The following NBEAL1 variants were observed in gnomAD, a reference collection of about 807,000 sequenced individuals.
NBEAL1 encodes neurobeachin like 1.
In NBEAL1, 273 loss-of-function variants were observed where a neutral mutation model predicts 351.3. The ratio of observed to expected loss-of-function variants is 0.78; its 90% CI spans 0.70 to 0.86. NBEAL1 has a LOEUF of 0.86. NBEAL1 is among the 40% of genes least tolerant of loss of function. NBEAL1 has a pLI of 0.00. For missense variants in NBEAL1, 2,961 were observed against 3,201.3 expected, an observed-to-expected ratio of 0.92 and a Z score of 1.81; for synonymous variants, 1,050 against 1,086.4, an observed-to-expected ratio of 0.97 and a Z score of 0.66.
intron 2 of NBEAL1, among the ~76,000 whole-genome samples, chr2:203,031,735 G>C (rs2060952059): frequency 6.6e-6 from 1 of 152,104 alleles, no homozygotes. Context: ...AACGATAAAA[G>C]TACATTTTAG....
intron 45 of NBEAL1, 33 bp from the exon 46 acceptor site, chr2:203,190,259 A>C: frequency 6.7e-7 from 1 of 1,488,902 alleles, no homozygotes; most frequent in Non-Finnish European, 9.2e-7. Flanking sequence ...ATTTGTTTTC[A>C]CTCTATAGTA....
rs1169234195 is a variant in NBEAL1 at position 203,201,582 on chromosome 2, A to G, written c.7278A>G (p.Leu2426=). ...RSINGSFAPG[L]EITSKLFVVS... ...TAAATGGTTCTTTTGCTCCCGGGCT[A>G]GAGATCACTTCTAAGCTATTTGTAG... The change falls in exon 50 of 56, where the codon CTA becomes CTG. Residue 2426 remains leucine, a synonymous_variant. Transcript: ENST00000683969. 2.5e-6 allele frequency: 4 copies of G among 1,604,626 alleles called. No homozygotes were observed. The highest frequency in any genetic ancestry group is 3.4e-6 in the Non-Finnish European group (4 of 1,175,218).
In NBEAL1 at chr2:203,211,077, A is replaced by G. The variant is rs764140345; in HGVS notation, c.7905A>G (p.Gln2635=). Residue 2635 remains glutamine, a synonymous_variant, in exon 54 of 56, where the codon CAA becomes CAG. Coordinates refer to ENST00000683969, the MANE Select transcript of NBEAL1 (RefSeq NM_001378026.1). ...AACACATTGTCACAGGCAGCATACA[A>G]GGATTCCTGTCTATAAGAGATCTCC... is the stretch of plus-strand genomic sequence containing the variant. ...IGEHIVTGSI[Q]GFLSIRDLHS... 1.5e-5 allele frequency: 24 copies of G among 1,604,652 alleles called. No homozygotes were observed. The highest frequency in any genetic ancestry group is 2.0e-5 in the Non-Finnish European group (24 of 1,175,538).
Position 203,068,295 on chromosome 2 carries a change from CA to C in NBEAL1, c.516-94del, listed in dbSNP as rs1247895026. Reference sequence around the variant, plus strand: ...GAGATACATAGTTCAAGACACAAATCAAAAGTAATATTAAATTTGTTTTATA... The same window carrying C: ...GAGATACATAGTTCAAGACACAAATCAAAGTAATATTAAATTTGTTTTATA... On this transcript the variant is annotated intron_variant, in intron 6 of 55. Coordinates refer to ENST00000683969, the MANE Select transcript of NBEAL1 (RefSeq NM_001378026.1). The C allele has an allele frequency of 2.4e-5, 14 of 575,014 alleles. No homozygotes were observed. In the Admixed American group the frequency reaches 4.3e-4, roughly 18 times the overall value. 35.6% of individuals were successfully genotyped at this position (575,014 alleles called of 1,614,324 possible).
intron 51 of NBEAL1, among the ~76,000 whole-genome samples, chr2:203,206,530 C>T (rs1283011147): frequency 1.3e-5 from 2 of 152,124 alleles, no homozygotes; most frequent in Non-Finnish European, 2.9e-5. Context: ...ATTCTCCTGC[C>T]TCAGCCTGCC....
At chr2:203,064,209 A>T (rs936223046) in intron 6 of NBEAL1, among the ~76,000 whole-genome samples, 2 of 151,974 alleles carry the variant, frequency 1.3e-5, no homozygotes, top group Non-Finnish European at 2.9e-5. Flanking sequence ...GTGCACCACC[A>T]TGCCCAGCAA....
In NBEAL1 at chr2:203,126,929, A is replaced by G. The variant is rs1286901384; in HGVS notation, c.3248+3A>G. The G allele has an allele frequency of 2.0e-6, 3 of 1,523,480 alleles. No individual in the cohort carries two copies. The highest frequency in any genetic ancestry group is 2.4e-5 in the South Asian group (2 of 83,104). The allele number at this position is 1,523,480 out of a possible 1,614,324, so 94.4% of individuals were successfully genotyped here. ...GATACACTTAGGATTTATTATGGGT[A>G]TGATGCCCTTGTTCTTTCTCAGTTT... is the stretch of plus-strand genomic sequence containing the variant. On this transcript the variant is annotated splice_donor_region_variant and intron_variant, in intron 23 of 55. Coordinates refer to ENST00000683969, the MANE Select transcript of NBEAL1 (RefSeq NM_001378026.1).
At chr2:203,043,941 G>A (rs1396145222) in intron 3 of NBEAL1, among the ~76,000 whole-genome samples, 1 of 152,090 alleles carries the variant, frequency 6.6e-6, no homozygotes. Context: ...AATACAAATG[G>A]ACTTTGACTT....
chr2:203,105,767 A>T (rs2106226364), intron 12 of NBEAL1, among the ~76,000 whole-genome samples: 1 of 152,310 alleles, frequency 6.6e-6, no homozygotes, highest in Non-Finnish European at 1.5e-5. Flanking sequence ...AGATTTTAAA[A>T]GACATTAATG....
At chr2:203,067,242 A>G (rs1183304393) in intron 6 of NBEAL1, among the ~76,000 whole-genome samples, 2 of 152,270 alleles carry the variant, frequency 1.3e-5, no homozygotes, top group African/African-American at 4.8e-5. Flanking sequence ...TCTTAATTAA[A>G]TAGGAAGATC....
At chr2:203,119,223 A>G (rs1446253018) in intron 18 of NBEAL1, among the ~76,000 whole-genome samples, 2 of 150,760 alleles carry the variant, frequency 1.3e-5, no homozygotes, top group East Asian at 3.9e-4. Flanking sequence ...GTGGCCGTGC[A>G]GTGGTGCAAT....
chr2:203,210,596 A>G lies in NBEAL1; in HGVS notation c.7786-362A>G, dbSNP rs538131364. The stretch of plus-strand genomic sequence containing the variant: ...GGAGAATGGTGTGAACCTGGGAGGC[A>G]GAGCTTTCAGTGAGCCAAGATTGTG... On this transcript the variant is annotated intron_variant, in intron 53 of 55. Coordinates refer to ENST00000683969, the MANE Select transcript of NBEAL1 (RefSeq NM_001378026.1). 5.8e-4 allele frequency among the ~76,000 whole-genome samples: 89 copies of G among 152,180 alleles called. 2 individuals are homozygous for G. The highest frequency in any genetic ancestry group is 2.7e-3 in the South Asian group (13 of 4,812).
intron 8 of NBEAL1, among the ~76,000 whole-genome samples, chr2:203,080,489 CTG>C (rs1234275896): frequency 2.0e-5 from 3 of 152,098 alleles, no homozygotes; most frequent in Admixed American, 1.3e-4. Context: ...TGTTTTCTCT[CTG>C]TATGTTTTTT....
At chr2:203,128,723 G>T (rs1319089530) in intron 24 of NBEAL1, among the ~76,000 whole-genome samples, 1 of 150,776 alleles carries the variant, frequency 6.6e-6, no homozygotes, top group Admixed American at 6.7e-5. Context: ...TCAGCCTCCC[G>T]AGTAGCTGGG....
chr2:203,182,323 T>C (rs1374826450), intron 43 of NBEAL1: 6 of 152,216 alleles, frequency 3.9e-5, no homozygotes, highest in African/African-American at 7.2e-5. Context: ...TTAGGCATCA[T>C]AGGCAGATCC....
At chr2:203,060,552 A>G (rs1434167783) in intron 6 of NBEAL1, among the ~76,000 whole-genome samples, 1 of 152,154 alleles carries the variant, frequency 6.6e-6, no homozygotes, top group Admixed American at 6.5e-5. Flanking sequence ...GATCCAACAC[A>G]CTTAAGAGAG....
rs958847021 is a variant in NBEAL1, at chr2:203,035,488, A to G, written c.52-6277A>G. On this transcript the variant is annotated intron_variant, in intron 2 of 55. Coordinates refer to ENST00000683969, the MANE Select transcript of NBEAL1 (RefSeq NM_001378026.1). ...AATCAATGAACTTGATTTTGTAATT[A>G]TTTTGCTTATTTTCTTATATTGGAT... 2.2e-4 allele frequency among the ~76,000 whole-genome samples: 33 copies of G among 149,562 alleles called. 1 individual carries two copies. Among genetic ancestry groups the G allele is most frequent in the African/African-American group, 7.8e-4 (32 of 41,216 alleles).
At position 203,041,748 on chromosome 2, in the gene NBEAL1, T is replaced by C. The variant is rs2061145198; in HGVS notation, c.52-17T>C. 2 of 1,527,934 alleles carry C rather than the reference T, an allele frequency of 1.3e-6. No individual in the cohort carries two copies. Among genetic ancestry groups the C allele is most frequent in the African/African-American group, 2.8e-5 (2 of 72,360 alleles). The allele number at this position is 1,527,934 out of a possible 1,614,324, so 94.6% of individuals were successfully genotyped here. A position where few individuals can be genotyped will look rare whatever the true frequency, so the allele number is the denominator to read the frequency against. ...CTGATAGGCATACTTAATATTATAA[T>C]GGTTTTGTTATTTCAGAAAGATCCA... On this transcript the variant is annotated splice_polypyrimidine_tract_variant and intron_variant, in intron 2 of 55. Coordinates refer to ENST00000683969, the MANE Select transcript of NBEAL1 (RefSeq NM_001378026.1).
intron 14 of NBEAL1, 102 bp downstream of exon 14, chr2:203,108,290 T>A: frequency 1.2e-6 from 1 of 866,698 alleles, no homozygotes; most frequent in Non-Finnish European, 1.8e-6. Context: ...CTTTTAGATA[T>A]ACAGCTTATC....
Sources: gnomAD v4.1 joint callset for allele counts (sites outside exome capture counted in the v4.1 genomes callset) on GRCh38, gnomAD v4.1.1 for gene constraint, MANE v1.5 for transcripts, NCBI Gene and HGNC (gene_info 2026-07-23, HGNC 2026-07-21) for gene names.